Variants in GASK1B observed in about 807,000 individuals in gnomAD.
The protein encoded by GASK1B is golgi associated kinase 1B.
GASK1B carries 34 observed loss-of-function variants against 42.8 expected under a neutral mutation model. That is an observed-to-expected ratio of 0.79 (90% CI 0.60 to 1.06). The LOEUF (loss-of-function observed/expected upper bound fraction) is 1.06. Among genes scored for constraint, GASK1B ranks in the 50% least tolerant of loss-of-function variants. The probability of loss-of-function intolerance (pLI) is 0.00; values close to 1 mark genes in which losing one functional copy is unlikely to be tolerated. For missense variants in GASK1B, 686 were observed against 661.0 expected (o/e 1.04, Z -0.42); for synonymous variants, 262 against 259.1 (o/e 1.01, Z -0.11).
At chr4:158,146,145 GTT>G (rs34180957) in intron 3 of GASK1B, among the ~76,000 whole-genome samples, 116,666 of 149,730 alleles carry the variant, frequency 0.78, 46,385 homozygotes, top group East Asian at 0.95. Context: ...ATAACTAGTT[GTT>G]TTTTTTTTTC....
intron 3 of GASK1B, among the ~76,000 whole-genome samples, chr4:158,150,234 A>G (rs952111286): frequency 8.5e-5 from 13 of 152,226 alleles, no homozygotes; most frequent in African/African-American, 2.9e-4. Context: ...CTCTGCATGT[A>G]TTTTTAAGAG....
At chr4:158,142,517 G>A (rs1033199973) in intron 3 of GASK1B, among the ~76,000 whole-genome samples, 1 of 151,972 alleles carries the variant, frequency 6.6e-6, no homozygotes, top group African/African-American at 2.4e-5. Context: ...CTGTACCCCT[G>A]GATAACCAAA....
At chr4:158,172,741 T>TTTGCTATC (rs1184557280) in intron 1 of GASK1B, 127 bp downstream of exon 1, 8 of 152,208 alleles carry the variant, frequency 5.3e-5, no homozygotes, top group Admixed American at 5.2e-4. Flanking sequence ...ATCGAGAATG[T>TTTGCTATC]TTGCTATCTT....
chr4:158,154,622 A>G (rs1214240313), intron 3 of GASK1B, among the ~76,000 whole-genome samples: 2 of 152,240 alleles, frequency 1.3e-5, no homozygotes, highest in Non-Finnish European at 2.9e-5. Context: ...ATGCCCATCA[A>G]TCAAGTAGAT....
At position 158,170,711 on chromosome 4, in the gene GASK1B, C is replaced by T. The variant is rs762188501; in HGVS notation, c.665G>A (p.Arg222Gln). The change falls in exon 2 of 5, where the codon CGA (arginine) becomes CAA (glutamine). Residue 222 changes from arginine (R) to glutamine (Q), a missense_variant. By Grantham distance (43) the Arg-to-Gln change is conservative. Transcript: ENST00000585682. ...APSWLSKDDI[R>Q]RMRLLADSAV... ...GCTGTCCGCCAAGAGTCGCATTCTT[C>T]GGATGTCATCTTTGCTCAGCCAGGA... The T allele has an allele frequency of 6.2e-7, 1 of 1,614,214 alleles. No individual in the cohort carries two copies. The highest frequency in any genetic ancestry group is 8.5e-7 in the Non-Finnish European group (1 of 1,180,058).
chr4:158,150,812 G>A (rs544806165), intron 3 of GASK1B, among the ~76,000 whole-genome samples: 1 of 152,236 alleles, frequency 6.6e-6, no homozygotes, highest in East Asian at 1.9e-4. Context: ...CTTGGTGGCT[G>A]CTGACCACCT....
At chr4:158,154,032 AG>A (rs1312859069) in intron 3 of GASK1B, among the ~76,000 whole-genome samples, 2 of 152,096 alleles carry the variant, frequency 1.3e-5, no homozygotes, top group African/African-American at 4.8e-5. Flanking sequence ...TTAAATTAAA[AG>A]GCTTCTGCAT....
At chr4:158,131,199 T>G (rs1415363039) in intron 3 of GASK1B, among the ~76,000 whole-genome samples, 187 bp from the exon 4 acceptor site, 2 of 152,224 alleles carry the variant, frequency 1.3e-5, no homozygotes, top group Non-Finnish European at 2.9e-5. Flanking sequence ...TCAGTCATAG[T>G]TATAAGCATT....
intron 2 of GASK1B, chr4:158,169,229 T>G (rs532346329): frequency 1.3e-5 from 2 of 152,354 alleles, no homozygotes; most frequent in South Asian, 4.1e-4. Context: ...AAATTCATTT[T>G]TATCAACATT....
At chr4:158,140,267 T>C (rs759186735) in intron 3 of GASK1B, among the ~76,000 whole-genome samples, 1 of 152,202 alleles carries the variant, frequency 6.6e-6, no homozygotes, top group Non-Finnish European at 1.5e-5. Context: ...AATTTGACCA[T>C]ACAACAGTAA....
intron 3 of GASK1B, among the ~76,000 whole-genome samples, chr4:158,154,431 T>C (rs1185346780): frequency 1.3e-5 from 2 of 152,144 alleles, no homozygotes; most frequent in African/African-American, 4.8e-5. Flanking sequence ...CTAGTACAAC[T>C]ACTATGGGAA....
chr4:158,141,000 A>C (rs1731092369), intron 3 of GASK1B, among the ~76,000 whole-genome samples: 1 of 152,360 alleles, frequency 6.6e-6, no homozygotes, highest in South Asian at 2.1e-4. Context: ...GCAATTTGAA[A>C]TTATAAATAT....
At chr4:158,129,098 A>G (rs1211624481) in intron 4 of GASK1B, among the ~76,000 whole-genome samples, 1 of 152,206 alleles carries the variant, frequency 6.6e-6, no homozygotes, top group Non-Finnish European at 1.5e-5. Flanking sequence ...GGGGGTTAGA[A>G]AAGCCTTCAT....
chr4:158,161,526 C>T lies in GASK1B; in HGVS notation c.911-5701G>A, dbSNP rs1014256960. ...CACCAACTACCTAAACAACTTAAAT[C>T]GCCAGTTCTCCTCTGAAAACAAGGC... On this transcript the variant is annotated intron_variant, in intron 2 of 4. Transcript: ENST00000585682. 6.6e-5 allele frequency among the ~76,000 whole-genome samples: 10 copies of T among 152,236 alleles called. 1 individual carries two copies. Among genetic ancestry groups the T allele is most frequent in the African/African-American group, 2.4e-4 (10 of 41,494 alleles).
At chr4:158,154,963 AC>A (rs1198334384) in intron 3 of GASK1B, among the ~76,000 whole-genome samples, 2 of 152,154 alleles carry the variant, frequency 1.3e-5, no homozygotes, top group African/African-American at 2.4e-5. Flanking sequence ...TAAATAATGT[AC>A]CCATGTAACA....
intron 3 of GASK1B, among the ~76,000 whole-genome samples, chr4:158,132,742 G>T (rs1397485282): frequency 2.0e-5 from 3 of 152,098 alleles, no homozygotes. Context: ...CCAGTCAAAG[G>T]GTACACTGCT....
intron 3 of GASK1B, among the ~76,000 whole-genome samples, chr4:158,147,123 C>T (rs1029989836): frequency 5.9e-5 from 9 of 152,172 alleles, no homozygotes; most frequent in Non-Finnish European, 1.0e-4. Flanking sequence ...CCATCCAATA[C>T]ATTCCTAAAT....
Position 158,126,396 on chromosome 4 carries a change from C to G in GASK1B, c.*1011G>C, listed in dbSNP as rs2110915241. On this transcript the variant is annotated 3_prime_UTR_variant, in exon 5 of 5. Transcript: ENST00000585682. ...GTTTTAACTTATTTTGCTCATATTA[C>G]TCATGTTGAAATAAGCCAGATAATA... The G allele has an allele frequency of 6.6e-6, 1 of 152,172 alleles. No individual in the cohort carries two copies. Among genetic ancestry groups the G allele is most frequent in the African/African-American group, 2.4e-5 (1 of 41,528 alleles). The allele number at this position is 152,172 out of a possible 1,614,324, so 9.4% of individuals were successfully genotyped here.
At chr4:158,167,156 C>A (rs371671571) in intron 2 of GASK1B, 5 of 152,150 alleles carry the variant, frequency 3.3e-5, no homozygotes, top group African/African-American at 1.2e-4. Context: ...ACAGAAACAA[C>A]ATTTAGGGTA....
Sources: allele counts gnomAD v4.1 joint callset (sites outside exome capture counted in the v4.1 genomes callset), GRCh38; gene constraint gnomAD v4.1.1; transcripts MANE v1.5; gene names NCBI Gene and HGNC (gene_info 2026-07-23, HGNC 2026-07-21).